The following LY6G6F variants were observed in gnomAD, a reference collection of about 807,000 sequenced individuals.
The protein encoded by LY6G6F is lymphocyte antigen 6 family member G6F, also known as lymphocyte antigen 6 complex locus protein G6f.
In LY6G6F, 26 loss-of-function variants were observed where a neutral mutation model predicts 33.0. The ratio of observed to expected loss-of-function variants is 0.79; its 90% CI spans 0.58 to 1.09. LY6G6F has a LOEUF of 1.09. Ranked by LOEUF, LY6G6F falls within the 50% of genes least tolerant of loss-of-function variation. LY6G6F has a pLI of 0.00. For synonymous variants in LY6G6F, 132 were observed against 148.1 expected (o/e 0.89, Z 0.79); for missense variants, 317 against 372.0 (o/e 0.85, Z 1.22).
chr6:31,710,042 TC>T lies in LY6G6F; in HGVS notation c.665del (p.Pro222LeufsTer16). On this transcript the variant is annotated frameshift_variant, in exon 4 of 6. Transcript: ENST00000375832. LOFTEE classifies it high-confidence loss of function. This position sits in a 1 kb window ranked among gnomAD's most constrained non-coding sequence, Gnocchi z 4.7. Reference sequence around the variant, plus strand: ...TTACTACAGCCTCCATCGATGCTTCTCCTGCCCTCTGTGCCCCTTCCACGGG... The same window carrying T: ...TTACTACAGCCTCCATCGATGCTTCTCTGCCCTCTGTGCCCCTTCCACGGG... ...FSLAASIDAS[P>X]ALCAPSTGWD... is the part of the protein sequence containing the mutation. The T allele has an allele frequency of 6.2e-7, 1 of 1,612,782 alleles. No homozygotes were observed. The highest frequency in any genetic ancestry group is 8.5e-7 in the Non-Finnish European group (1 of 1,179,876).
At position 31,706,887 on chromosome 6, in the gene LY6G6F, G is replaced by T. The variant is rs1325069864; in HGVS notation, c.-20G>T. ...GGGGACACCAGGTCTTGGAGCAAGA[G>T]AACTTGGCAGGCTCTCCCCATGGCA... On this transcript the variant is annotated 5_prime_UTR_variant, in exon 1 of 6. Coordinates refer to ENST00000375832, the MANE Select transcript of LY6G6F (RefSeq NM_001003693.3). 6.2e-7 allele frequency: 1 copy of T among 1,613,862 alleles called. No homozygotes were observed. Among genetic ancestry groups the T allele is most frequent in the Non-Finnish European group, 8.5e-7 (1 of 1,179,908 alleles).
Position 31,710,331 on chromosome 6 carries a change from C to T in LY6G6F, c.803-21C>T. 6.2e-7 allele frequency: 1 copy of T among 1,613,726 alleles called. No homozygotes were observed. The stretch of plus-strand genomic sequence containing the variant: ...GTCTGCTGACTTCTCTTCTGTATCC[C>T]TGATGGCTCCTTCTCCCCAGATGCC... On this transcript the variant is annotated intron_variant, in intron 4 of 5. Transcript: ENST00000375832. This position sits in a 1 kb window ranked among gnomAD's most constrained non-coding sequence, Gnocchi z 4.7.
chr6:31,707,568 G>T lies in LY6G6F; in HGVS notation c.163G>T (p.Ala55Ser). ...EHLSWFCSPA[A>S]GSFTTLVAQV... is the part of the protein sequence containing the mutation. ...CCTGTCATGGTTCTGCAGCCCTGCA[G>T]CAGGCTCCTTCACCACCCTGGTAGC... is the stretch of plus-strand genomic sequence containing the variant. Residue 55 changes from alanine (A) to serine (S), a missense_variant, in exon 2 of 6, where the codon GCA becomes TCA. Physicochemically the swap from Ala to Ser is moderately conservative, Grantham distance 99. Coordinates refer to ENST00000375832, the MANE Select transcript of LY6G6F (RefSeq NM_001003693.3). The surrounding 1 kb of genome is among the most constrained non-coding windows in gnomAD (Gnocchi z 4.1). 1 of 1,614,034 alleles carries T rather than the reference G, an allele frequency of 6.2e-7. No homozygotes were observed. Among genetic ancestry groups the T allele is most frequent in the African/African-American group, 1.3e-5 (1 of 75,052 alleles).
chr6:31,709,918 C>A, intron 3 of LY6G6F, 108 bp from the exon 4 acceptor site: 1 of 1,164,884 alleles, frequency 8.6e-7, no homozygotes, highest in Non-Finnish European at 1.2e-6. Context: ...ACAAAGTCTT[C>A]TGTTGGAAGA....
rs1393021198 is a variant in LY6G6F at position 31,707,454 on chromosome 6, A to G, written c.53-4A>G. 1 of 1,612,858 alleles carries G rather than the reference A, an allele frequency of 6.2e-7. No homozygotes were observed. Among genetic ancestry groups the G allele is most frequent in the Non-Finnish European group, 8.5e-7 (1 of 1,178,952 alleles). Reference sequence around the variant, plus strand: ...TCTGGCCTCATACAACCCTCTTCCCACAGACAACATGCAGGCCATCTATGT... The same window carrying G: ...TCTGGCCTCATACAACCCTCTTCCCGCAGACAACATGCAGGCCATCTATGT... On this transcript the variant is annotated splice_polypyrimidine_tract_variant and splice_region_variant and intron_variant, in intron 1 of 5. Transcript: ENST00000375832. The surrounding 1 kb of genome is among the most constrained non-coding windows in gnomAD (Gnocchi z 4.1).
At position 31,707,307 on chromosome 6, in the gene LY6G6F, C is replaced by T; in HGVS notation, c.53-151C>T. The T allele has an allele frequency of 1.4e-6, 1 of 700,660 alleles. No individual in the cohort carries two copies. Among genetic ancestry groups the T allele is most frequent in the South Asian group, 1.9e-5 (1 of 53,040 alleles). The allele number at this position is 700,660 out of a possible 1,614,324, so 43.4% of individuals were successfully genotyped here. ...CCCTTACCCTCTTCTCTCCACCTGT[C>T]TTATTTTTGTAGCTGTCACTTGAGA... On this transcript the variant is annotated intron_variant, in intron 1 of 5. Coordinates refer to ENST00000375832, the MANE Select transcript of LY6G6F (RefSeq NM_001003693.3). The surrounding 1 kb of genome is among the most constrained non-coding windows in gnomAD (Gnocchi z 4.1).
At chr6:31,708,170 T>A in intron 3 of LY6G6F, 36 bp downstream of exon 3, 1 of 1,505,856 alleles carries the variant, frequency 6.6e-7, no homozygotes, top group Non-Finnish European at 8.9e-7. Flanking sequence ...GGATGTTCTT[T>A]CACTTCAGCC....
At position 31,707,660 on chromosome 6, in the gene LY6G6F, G is replaced by T. The variant is rs745582819; in HGVS notation, c.255G>T (p.Leu85=). The T allele has an allele frequency of 6.2e-7, 1 of 1,613,844 alleles. No homozygotes were observed. Among genetic ancestry groups the T allele is most frequent in the African/African-American group, 1.3e-5 (1 of 74,940 alleles). The part of the protein sequence containing the change: ...GKPGRESRLR[L]LGNYSLWLEG... ...CAGGAAGGGAATCCAGGCTCAGACT[G>T]CTGGGGAACTATTCTTTGTGGTTGG... is the stretch of plus-strand genomic sequence containing the variant. The change falls in exon 2 of 6, where the codon CTG becomes CTT. Residue 85 remains leucine, a synonymous_variant. Coordinates refer to ENST00000375832, the MANE Select transcript of LY6G6F (RefSeq NM_001003693.3). The surrounding 1 kb of genome is among the most constrained non-coding windows in gnomAD (Gnocchi z 4.1).
chr6:31,709,972 G>T, intron 3 of LY6G6F, 54 bp from the exon 4 acceptor site: 2 of 1,561,458 alleles, frequency 1.3e-6, no homozygotes, highest in Non-Finnish European at 1.7e-6. Flanking sequence ...GGGGCACAGG[G>T]ACAGGGCCCC....
rs1562137348 is a variant in LY6G6F, at chr6:31,706,973, G to A, written c.52+15G>A. 6.2e-7 allele frequency: 1 copy of A among 1,613,520 alleles called. No individual in the cohort carries two copies. The highest frequency in any genetic ancestry group is 1.7e-5 in the Admixed American group (1 of 60,010). On this transcript the variant is annotated intron_variant, in intron 1 of 5. Coordinates refer to ENST00000375832, the MANE Select transcript of LY6G6F (RefSeq NM_001003693.3). Reference sequence around the variant, plus strand: ...CCAGGCTGCAGGTAAGGGGCAAGAGGTACGGGATTCCTTAGCTATTTGCAA... The same window carrying A: ...CCAGGCTGCAGGTAAGGGGCAAGAGATACGGGATTCCTTAGCTATTTGCAA...
chr6:31,708,693 G>A (rs534922611), intron 3 of LY6G6F, among the ~76,000 whole-genome samples: 2 of 152,204 alleles, frequency 1.3e-5, no homozygotes, highest in African/African-American at 2.4e-5. Flanking sequence ...TTGGGAGGCC[G>A]AAGCAGGCGG....
Position 31,710,039 on chromosome 6 carries a change from T to A in LY6G6F, c.660T>A (p.Ala220=). Residue 220 remains alanine (A), a synonymous_variant, in exon 4 of 6, where the codon GCT becomes GCA. Transcript: ENST00000375832. This position sits in a 1 kb window ranked among gnomAD's most constrained non-coding sequence, Gnocchi z 4.7. The part of the protein sequence containing the change: ...VSFSLAASID[A]SPALCAPSTG... ...CCCTTACTACAGCCTCCATCGATGC[T>A]TCTCCTGCCCTCTGTGCCCCTTCCA... 1.2e-6 allele frequency: 2 copies of A among 1,612,662 alleles called. No individual in the cohort carries two copies. The highest frequency in any genetic ancestry group is 1.7e-6 in the Non-Finnish European group (2 of 1,179,794).
Position 31,707,482 on chromosome 6 carries a change from C to T in LY6G6F, c.77C>T (p.Ala26Val), listed in dbSNP as rs1306690163. The change falls in exon 2 of 6, where the codon GCC becomes GTC. Residue 26 changes from alanine to valine, a missense_variant. By Grantham distance (64) the Ala-to-Val change is moderately conservative (BLOSUM62 0). Coordinates refer to ENST00000375832, the MANE Select transcript of LY6G6F (RefSeq NM_001003693.3). This position sits in a 1 kb window ranked among gnomAD's most constrained non-coding sequence, Gnocchi z 4.1. ...AADNMQAIYV[A>V]LGEAVELPCP... is the part of the protein sequence containing the mutation. ...GACAACATGCAGGCCATCTATGTGG[C>T]CTTGGGGGAGGCAGTAGAGCTGCCA... 3 of 1,614,110 alleles carry T rather than the reference C, an allele frequency of 1.9e-6. No individual in the cohort carries two copies. The highest frequency in any genetic ancestry group is 2.2e-5 in the South Asian group (2 of 91,078).
In LY6G6F at chr6:31,710,229, G is replaced by A. The variant is rs1805932555; in HGVS notation, c.802+48G>A. ...AAAGAAGAGGGCACATGGGTGGGAG[G>A]CAAAGGGCTAGGCTCACACCCCGCC... On this transcript the variant is annotated intron_variant, in intron 4 of 5. Transcript: ENST00000375832. This position sits in a 1 kb window ranked among gnomAD's most constrained non-coding sequence, Gnocchi z 4.7. 1 of 1,607,376 alleles carries A rather than the reference G, an allele frequency of 6.2e-7. No individual in the cohort carries two copies. Among genetic ancestry groups the A allele is most frequent in the Non-Finnish European group, 8.5e-7 (1 of 1,176,066 alleles).
chr6:31,706,948 C>T lies in LY6G6F; in HGVS notation c.42C>T (p.Pro14=). The change falls in exon 1 of 6, where the codon CCC becomes CCT. Residue 14 remains proline, a synonymous_variant. Transcript: ENST00000375832. ...LFLLLFLCGT[P]QAADNMQAIY... is the part of the protein sequence containing the mutation. ...TCCTCCTGTTCCTATGTGGAACTCC[C>T]CAGGCTGCAGGTAAGGGGCAAGAGG... 6.2e-7 allele frequency: 1 copy of T among 1,614,088 alleles called. No homozygotes were observed. The highest frequency in any genetic ancestry group is 8.5e-7 in the Non-Finnish European group (1 of 1,180,010).
Position 31,707,137 on chromosome 6 carries a change from C to T in LY6G6F, c.52+179C>T, listed in dbSNP as rs576986136. Among the ~76,000 whole-genome samples, 1 of 152,314 alleles carries T rather than the reference C, an allele frequency of 6.6e-6. No homozygotes were observed. Among genetic ancestry groups the T allele is most frequent in the South Asian group, 2.1e-4 (1 of 4,822 alleles). ...AGAGGCAACGAGGGTCCAGGTTATGCAGTTTCCTTTATAAAATAAGAAGAA... is the reference window on the plus strand; with the variant it reads ...AGAGGCAACGAGGGTCCAGGTTATGTAGTTTCCTTTATAAAATAAGAAGAA... On this transcript the variant is annotated intron_variant, in intron 1 of 5. Coordinates refer to ENST00000375832, the MANE Select transcript of LY6G6F (RefSeq NM_001003693.3). This position sits in a 1 kb window ranked among gnomAD's most constrained non-coding sequence, Gnocchi z 4.1.
chr6:31,707,629 G>A lies in LY6G6F; in HGVS notation c.224G>A (p.Gly75Glu). 6.2e-7 allele frequency: 1 copy of A among 1,613,802 alleles called. No individual in the cohort carries two copies. Among genetic ancestry groups the A allele is most frequent in the Non-Finnish European group, 8.5e-7 (1 of 1,179,820 alleles). ...GTGGGCAGGCCAGCCCCAGACCCTGGAAAACCAGGAAGGGAATCCAGGCTC... is the reference window on the plus strand; with the variant it reads ...GTGGGCAGGCCAGCCCCAGACCCTGAAAAACCAGGAAGGGAATCCAGGCTC... ...VQVGRPAPDP[G>E]KPGRESRLRL... The change falls in exon 2 of 6, where the codon GGA becomes GAA. Residue 75 changes from glycine (G) to glutamate (E), a missense_variant. By Grantham distance (98) the Gly-to-Glu change is moderately conservative. Coordinates refer to ENST00000375832, the MANE Select transcript of LY6G6F (RefSeq NM_001003693.3). The surrounding 1 kb of genome is among the most constrained non-coding windows in gnomAD (Gnocchi z 4.1).
chr6:31,709,494 G>C (rs148624232), intron 3 of LY6G6F, among the ~76,000 whole-genome samples: 1 of 151,762 alleles, frequency 6.6e-6, no homozygotes, highest in African/African-American at 2.4e-5. Context: ...TCCTGACCTC[G>C]TGATCTGCCC....
Position 31,707,345 on chromosome 6 carries a change from A to G in LY6G6F, c.53-113A>G, listed in dbSNP as rs1805684889. 1.1e-6 allele frequency: 1 copy of G among 896,712 alleles called. No individual in the cohort carries two copies. The highest frequency in any genetic ancestry group is 1.7e-6 in the Non-Finnish European group (1 of 579,488). 55.5% of individuals were successfully genotyped at this position (896,712 alleles called of 1,614,324 possible). A position where few individuals can be genotyped will look rare whatever the true frequency, so the allele number is the denominator to read the frequency against. On this transcript the variant is annotated intron_variant, in intron 1 of 5. Coordinates refer to ENST00000375832, the MANE Select transcript of LY6G6F (RefSeq NM_001003693.3). The surrounding 1 kb of genome is among the most constrained non-coding windows in gnomAD (Gnocchi z 4.1). ...CTGTCACTTGAGAAATGTGGTCACC[A>G]GCCAGGCCTGTGCTGGGGGACCCCA...
Sources: allele counts gnomAD v4.1 joint callset (sites outside exome capture counted in the v4.1 genomes callset), GRCh38; gene constraint gnomAD v4.1.1; non-coding constraint Gnocchi (gnomAD v3.1); transcripts MANE v1.5; gene names NCBI Gene and HGNC (gene_info 2026-07-23, HGNC 2026-07-21).